DMD: variants seen among roughly 807,000 people sequenced by gnomAD.
DMD encodes mutant dystrophin.
Under a neutral mutation model 330.1 loss-of-function variants are expected in DMD, and 63 were observed. The observed-to-expected ratio is 0.19, with a 90% CI of 0.16 to 0.24. The LOEUF (loss-of-function observed/expected upper bound fraction) is 0.24. DMD is among the 10% of genes least tolerant of loss of function. The pLI, the probability that DMD is intolerant of heterozygous loss-of-function variation, is 1.00. For missense variants in DMD, 3,344 were observed against 2,684.1 expected (o/e 1.25, Z -5.43); for synonymous variants, 1,223 against 959.8 (o/e 1.27, Z -5.07).
chrX:31,666,091 G>A (rs1004130552), intron 53 of DMD, among the ~76,000 whole-genome samples: 1 of 111,883 alleles, frequency 8.9e-6, no homozygotes, highest in African/African-American at 3.3e-5. Flanking sequence ...AGAAATGGAT[G>A]GGTGGAAACG....
At chrX:33,083,682 C>T (rs1340676843) in intron 1 of DMD, among the ~76,000 whole-genome samples, 1 of 111,706 alleles carries the variant, frequency 9.0e-6, no homozygotes. Context: ...AAATCAGATC[C>T]CTAACCAAGA....
At chrX:32,211,480 T>A (rs1173681089) in intron 44 of DMD, among the ~76,000 whole-genome samples, 1 of 111,994 alleles carries the variant, frequency 8.9e-6, no homozygotes, top group Non-Finnish European at 1.9e-5. Context: ...TAACATAGGT[T>A]ATGGAGCAGT....
chrX:31,139,474 T>TACACACACACACACACAC (rs57784155), intron 76 of DMD, among the ~76,000 whole-genome samples: 1 of 98,585 alleles, frequency 1.0e-5, no homozygotes, highest in Non-Finnish European at 2.0e-5. Flanking sequence ...GGTGTTTATA[T>TACACACACACACACACAC]ACACACACAC....
At chrX:32,270,443 A>C (rs1336718487) in intron 43 of DMD, among the ~76,000 whole-genome samples, 1 of 111,765 alleles carries the variant, frequency 8.9e-6, no homozygotes, top group Admixed American at 9.5e-5. Context: ...TGTTTAATTA[A>C]TACTGTAATA....
At chrX:32,284,111 T>C (rs1015967255) in intron 43 of DMD, among the ~76,000 whole-genome samples, 1 of 111,665 alleles carries the variant, frequency 9.0e-6, no homozygotes, top group Non-Finnish European at 1.9e-5. Flanking sequence ...TCCTTTATAG[T>C]TTCTGCCCAT....
chrX:33,021,823 T>C (rs779905942), intron 1 of DMD, among the ~76,000 whole-genome samples: 77 of 111,938 alleles, frequency 6.9e-4, no homozygotes, highest in Non-Finnish European at 8.5e-4. Flanking sequence ...ATATGGTATA[T>C]GATAAATCTT....
chrX:31,518,067 T>C lies in DMD; in HGVS notation c.8218-10614A>G, dbSNP rs550760135. Among the ~76,000 whole-genome samples, 3 of 110,275 alleles carry C rather than the reference T, an allele frequency of 2.7e-5. No individual in the cohort carries two copies. The East Asian group carries it at 8.5e-4, about 31-fold the overall frequency. On this transcript the variant is annotated intron_variant, in intron 55 of 78. Coordinates refer to ENST00000357033, the MANE Select transcript of DMD (RefSeq NM_004006.3). ...GCACAGGTGACTCCCACCTAAAATA[T>C]ACCCTATCAAGCATTCCTAAACTAT...
chrX:33,085,720 G>A (rs776932457), intron 1 of DMD, among the ~76,000 whole-genome samples: 16 of 111,182 alleles, frequency 1.4e-4, no homozygotes, highest in Non-Finnish European at 1.1e-4. Context: ...TTACCAATAG[G>A]CTGTCAGATG....
chrX:31,392,600 G>T (rs187373210), intron 60 of DMD, among the ~76,000 whole-genome samples: 3 of 111,911 alleles, frequency 2.7e-5, no homozygotes, highest in African/African-American at 9.8e-5. Flanking sequence ...ACTGAAGCGC[G>T]AACTGTGTCT....
intron 51 of DMD, among the ~76,000 whole-genome samples, chrX:31,735,874 T>C (rs1183111936): frequency 8.9e-6 from 1 of 111,874 alleles, no homozygotes; most frequent in Non-Finnish European, 1.9e-5. Flanking sequence ...GTGCCCTAGG[T>C]AGACAAAGAC....
At chrX:32,044,043 T>G (rs961059739) in intron 44 of DMD, among the ~76,000 whole-genome samples, 1 of 111,971 alleles carries the variant, frequency 8.9e-6, no homozygotes, top group Non-Finnish European at 1.9e-5. Flanking sequence ...TTTAACTTCA[T>G]GACACTGGGA....
intron 1 of DMD, among the ~76,000 whole-genome samples, chrX:33,110,752 A>T (rs750267158): frequency 9.0e-6 from 1 of 110,910 alleles, no homozygotes; most frequent in African/African-American, 3.3e-5. Flanking sequence ...TCAAGGGCAG[A>T]GTTTTTATTT....
chrX:31,278,027 A>AG (rs1556422123), intron 62 of DMD, among the ~76,000 whole-genome samples: 2,683 of 104,757 alleles, frequency 0.026, 33 homozygotes, highest in East Asian at 0.076. Context: ...AAAAAAAAAA[A>AG]AAAATATGAA....
intron 7 of DMD, among the ~76,000 whole-genome samples, chrX:32,720,901 A>G (rs770372210): frequency 2.7e-5 from 3 of 111,647 alleles, no homozygotes; most frequent in African/African-American, 9.7e-5. Flanking sequence ...CCTGGTAATC[A>G]CCATTCTACT....
intron 77 of DMD, 110 bp from the exon 78 acceptor site, chrX:31,126,783 T>A (rs1247622568): frequency 1.7e-5 from 8 of 472,271 alleles, no homozygotes; most frequent in Non-Finnish European, 2.5e-5. Context: ...AATGTTGAGA[T>A]GACCATTTAT....
At position 32,603,818 on chromosome X, in the gene DMD, T is replaced by G. The variant is rs191925591; in HGVS notation, c.1483-7942A>C. ...AATTGAACCACAAGAAGCAAAAATCTTGGACAGACCAATAACAAATAGTGA... is the reference window on the plus strand; with the variant it reads ...AATTGAACCACAAGAAGCAAAAATCGTGGACAGACCAATAACAAATAGTGA... On this transcript the variant is annotated intron_variant, in intron 12 of 78. Transcript: ENST00000357033. Among the ~76,000 whole-genome samples, 646 of 111,115 alleles carry G rather than the reference T, an allele frequency of 5.8e-3. 2 individuals carry two copies. The highest frequency in any genetic ancestry group is 0.019 in the African/African-American group (592 of 30,693).
intron 55 of DMD, among the ~76,000 whole-genome samples, chrX:31,574,479 G>A (rs745318522): frequency 9.0e-6 from 1 of 111,376 alleles, no homozygotes; most frequent in East Asian, 2.8e-4. Flanking sequence ...TAGAAATAAG[G>A]ATGTAAAATG....
At chrX:32,787,830 G>C (rs1037497680) in intron 7 of DMD, among the ~76,000 whole-genome samples, 2 of 109,931 alleles carry the variant, frequency 1.8e-5, no homozygotes, top group Admixed American at 2.0e-4. Flanking sequence ...ATTTATTCTA[G>C]AGGCAGGCAA....
At chrX:32,736,364 C>T (rs1277141042) in intron 7 of DMD, among the ~76,000 whole-genome samples, 1 of 111,496 alleles carries the variant, frequency 9.0e-6, no homozygotes, top group Non-Finnish European at 1.9e-5. Context: ...GTGGCCATTC[C>T]TCAGGGATCT....
Sources: allele counts gnomAD v4.1 joint callset (sites outside exome capture counted in the v4.1 genomes callset), GRCh38; gene constraint gnomAD v4.1.1; transcripts MANE v1.5; gene names NCBI Gene and HGNC (gene_info 2026-07-23, HGNC 2026-07-21).